The following BLTP1 variants were observed in gnomAD, a reference collection of about 807,000 sequenced individuals.
The protein encoded by BLTP1 is bridge-like lipid transfer protein family member 1.
the BLTP1 span, among the ~76,000 whole-genome samples, chr4:122,230,869 A>G: frequency 1.3e-5 from 2 of 152,162 alleles, no homozygotes; most frequent in Non-Finnish European, 2.9e-5. Flanking sequence ...ATGAAATTTT[A>G]TCTCCAGGAT....
the BLTP1 span, chr4:122,184,673 C>T: frequency 2.1e-5 from 21 of 984,586 alleles, no homozygotes; most frequent in Non-Finnish European, 2.5e-5. Flanking sequence ...ACATTCATAG[C>T]AGTTGCTAAG....
chr4:122,158,973 G>A, the BLTP1 span, among the ~76,000 whole-genome samples: 1 of 152,014 alleles, frequency 6.6e-6, no homozygotes, highest in Non-Finnish European at 1.5e-5. Context: ...AATTATGTTT[G>A]TTTCATTTGC....
At chr4:122,271,334 C>G in the BLTP1 span, 1 of 1,613,866 alleles carries the variant, frequency 6.2e-7, no homozygotes, top group Non-Finnish European at 8.5e-7. Flanking sequence ...ATCTGCTTCC[C>G]CAACACCTAC....
the BLTP1 span, chr4:122,340,585 G>GA: frequency 3.9e-6 from 1 of 256,762 alleles, no homozygotes; most frequent in Non-Finnish European, 6.1e-6. Flanking sequence ...TATTAATGGG[G>GA]AAATGGTTAT....
At chr4:122,358,582 T>C in the BLTP1 span, among the ~76,000 whole-genome samples, 80 of 152,298 alleles carry the variant, frequency 5.3e-4, no homozygotes, top group African/African-American at 1.6e-3. Flanking sequence ...ATTGTAGCAC[T>C]GTAACCACCA....
At chr4:122,317,755 C>G in the BLTP1 span, among the ~76,000 whole-genome samples, 5 of 151,920 alleles carry the variant, frequency 3.3e-5, no homozygotes, top group African/African-American at 1.2e-4. Context: ...TTCCTGTTGA[C>G]TTACATTACA....
At chr4:122,209,081 A>C in the BLTP1 span, 1 of 1,350,982 alleles carries the variant, frequency 7.4e-7, no homozygotes, top group South Asian at 2.1e-5. Context: ...ATTGTTGTAG[A>C]CAGGTTTGCC....
chr4:122,299,980 T>A, the BLTP1 span: 40 of 948,580 alleles, frequency 4.2e-5, no homozygotes, highest in Non-Finnish European at 5.0e-5. Context: ...CAAAGACACA[T>A]ATAGTTTATT....
the BLTP1 span, chr4:122,356,692 G>A: frequency 6.2e-7 from 1 of 1,613,834 alleles, no homozygotes; most frequent in Non-Finnish European, 8.5e-7. Flanking sequence ...TGTGACTATG[G>A]ATGCTGAGCT....
At chr4:122,236,759 A>C in the BLTP1 span, 1 of 958,080 alleles carries the variant, frequency 1.0e-6, no homozygotes, top group African/African-American at 1.8e-5. Flanking sequence ...AACATTGAAG[A>C]AAGTAAAATT....
chr4:122,308,196 C>T, the BLTP1 span: 1 of 1,604,114 alleles, frequency 6.2e-7, no homozygotes, highest in Non-Finnish European at 8.5e-7. Flanking sequence ...GGATTAAGAG[C>T]CAGGCATTTC....
At chr4:122,263,476 TC>T in the BLTP1 span, 1 of 1,609,438 alleles carries the variant, frequency 6.2e-7, no homozygotes, top group African/African-American at 1.3e-5. Context: ...TATCTGAACA[TC>T]CCTTGCTATC....
the BLTP1 span, among the ~76,000 whole-genome samples, chr4:122,195,431 A>ATT: frequency 1.3e-4 from 19 of 148,160 alleles, no homozygotes; most frequent in South Asian, 8.4e-4. Context: ...ATTGTCTGGC[A>ATT]TTTTTTTTTT....
chr4:122,283,235 A>C, the BLTP1 span, among the ~76,000 whole-genome samples: 9 of 151,976 alleles, frequency 5.9e-5, no homozygotes, highest in Admixed American at 1.3e-4. Flanking sequence ...TAGATTTGGC[A>C]TGGGATAGTA....
chr4:122,340,675 A>G, the BLTP1 span: 1 of 974,670 alleles, frequency 1.0e-6, no homozygotes, highest in Non-Finnish European at 1.2e-6. Context: ...GATACCTTAG[A>G]AATAAAGCTT....
the BLTP1 span, chr4:122,227,098 G>T: frequency 6.8e-6 from 4 of 591,220 alleles, no homozygotes; most frequent in African/African-American, 2.0e-5. Context: ...TAACATTCAT[G>T]TCATATTGCA....
the BLTP1 span, among the ~76,000 whole-genome samples, chr4:122,179,049 T>C: frequency 6.6e-6 from 1 of 151,976 alleles, no homozygotes; most frequent in East Asian, 1.9e-4. Flanking sequence ...GAGGCTGAGG[T>C]GGGAGGATTG....
the BLTP1 span, among the ~76,000 whole-genome samples, chr4:122,284,422 G>A: frequency 6.6e-6 from 1 of 152,092 alleles, no homozygotes; most frequent in Admixed American, 6.6e-5. Context: ...TTTTCCCACT[G>A]TGCTTAAGAG....
chr4:122,198,182 G>A, the BLTP1 span: 1 of 977,322 alleles, frequency 1.0e-6, no homozygotes, highest in Non-Finnish European at 1.2e-6. Flanking sequence ...AATTGAAAAA[G>A]TGACTGTGAA....
Sources: gnomAD v4.1 joint callset for allele counts (sites outside exome capture counted in the v4.1 genomes callset) on GRCh38, gnomAD v4.1.1 for gene constraint, MANE v1.5 for transcripts, NCBI Gene and HGNC (gene_info 2026-07-23, HGNC 2026-07-21) for gene names.